MGST1: variants seen among roughly 807,000 people sequenced by gnomAD.
MGST1 encodes the protein microsomal glutathione S-transferase 1, also known as glutathione S-transferase 12.
Under a neutral mutation model 8.9 loss-of-function variants are expected in MGST1, and 5 were observed. The ratio of observed to expected loss-of-function variants is 0.56; its 90% CI spans 0.29 to 1.19. MGST1 has a LOEUF of 1.19. Ranked by LOEUF, MGST1 falls within the 50% of genes most tolerant of loss-of-function variation. MGST1 has a pLI of 0.08. For synonymous variants in MGST1, 54 were observed against 67.8 expected (o/e 0.80, Z 1.00); for missense variants, 182 against 187.4 (o/e 0.97, Z 0.17).
intron 1 of MGST1, among the ~76,000 whole-genome samples, chr12:16,436,736 G>A (rs1940991010): frequency 6.6e-6 from 1 of 151,928 alleles, no homozygotes; most frequent in Admixed American, 6.6e-5. Context: ...TGCCAATAGT[G>A]TACAGAAGGA....
intron 4 of MGST1, among the ~76,000 whole-genome samples, chr12:16,488,553 G>A (rs1050115797): frequency 6.6e-6 from 1 of 151,932 alleles, no homozygotes; most frequent in Non-Finnish European, 1.5e-5. Context: ...AGTCTTTCTT[G>A]TTTACTTTCC....
At chr12:16,380,740 G>A (rs1940445174), downstream of MGST1, among the ~76,000 whole-genome samples, 2 of 152,292 alleles carry the variant, frequency 1.3e-5, no homozygotes, top group African/African-American at 4.8e-5. Context: ...GTTGACAGTA[G>A]GGTGTTAAAG....
At chr12:16,566,172 A>T (rs60591828) in intron 4 of MGST1, among the ~76,000 whole-genome samples, 3 of 151,070 alleles carry the variant, frequency 2.0e-5, no homozygotes, top group African/African-American at 7.3e-5. Context: ...GATCTCAGTC[A>T]TTTGGAAGCT....
intron 4 of MGST1, among the ~76,000 whole-genome samples, chr12:16,534,637 G>A (rs536757341): frequency 9.9e-5 from 15 of 152,132 alleles, no homozygotes; most frequent in African/African-American, 2.4e-4. Flanking sequence ...TTTTAATCCC[G>A]GAAATAGACT....
At chr12:16,381,314 A>G (rs1055759685), downstream of MGST1, among the ~76,000 whole-genome samples, 1 of 152,048 alleles carries the variant, frequency 6.6e-6, no homozygotes, top group African/African-American at 2.4e-5. Context: ...TTCCTTCAGG[A>G]GCTCTTTCAG....
At chr12:16,351,435 A>C (rs946260533) in intron 1 of MGST1, among the ~76,000 whole-genome samples, 1 of 152,194 alleles carries the variant, frequency 6.6e-6, no homozygotes, top group Non-Finnish European at 1.5e-5. Flanking sequence ...TTAATTTGCT[A>C]TCTAGGGGAT....
downstream of MGST1, among the ~76,000 whole-genome samples, chr12:16,368,525 G>T (rs539977273): frequency 6.6e-6 from 1 of 152,098 alleles, no homozygotes; most frequent in Non-Finnish European, 1.5e-5. Flanking sequence ...CAGCCAAAGC[G>T]GCACCTCTAC....
At chr12:16,441,459 G>T (rs1373301752), downstream of MGST1, among the ~76,000 whole-genome samples, 1 of 151,674 alleles carries the variant, frequency 6.6e-6, no homozygotes, top group Non-Finnish European at 1.5e-5. Flanking sequence ...GAATAGTTTT[G>T]CCATTTAAAA....
intron 1 of MGST1, among the ~76,000 whole-genome samples, chr12:16,427,373 A>G (rs1940899727): frequency 6.6e-6 from 1 of 152,214 alleles, no homozygotes; most frequent in Non-Finnish European, 1.5e-5. Context: ...TAGGCATTTA[A>G]ATAATAATCA....
intron 1 of MGST1, among the ~76,000 whole-genome samples, chr12:16,404,982 T>G (rs1488851503): frequency 6.6e-6 from 1 of 152,144 alleles, no homozygotes; most frequent in African/African-American, 2.4e-5. Flanking sequence ...TTGTAACTAA[T>G]GAGAACAAAG....
chr12:16,549,000 C>G lies in MGST1; in HGVS notation n.483-40528C>G, dbSNP rs1445685938. On this transcript the variant is annotated intron_variant and non_coding_transcript_variant, in intron 4 of 4. Coordinates refer to the MGST1 transcript ENST00000538857. The surrounding 1 kb of genome is among the most constrained non-coding windows in gnomAD (Gnocchi z 4.2). The stretch of plus-strand genomic sequence containing the variant: ...TTCAAGAAGCTGAGAGAAGTTTGTT[C>G]CCAATTTACAAGTATTTTGACATAT... 1.3e-5 allele frequency: 2 copies of G among 152,042 alleles called. No individual in the cohort carries two copies. The highest frequency in any genetic ancestry group is 2.9e-5 in the Non-Finnish European group (2 of 67,994). 9.4% of individuals were successfully genotyped at this position (152,042 alleles called of 1,614,324 possible).
At chr12:16,538,301 C>A (rs1359845643) in intron 4 of MGST1, among the ~76,000 whole-genome samples, 1 of 152,110 alleles carries the variant, frequency 6.6e-6, no homozygotes, top group Non-Finnish European at 1.5e-5. Context: ...AAATCACTAT[C>A]ATCATTTTTG....
At chr12:16,422,596 A>G (rs1263382462) in intron 1 of MGST1, among the ~76,000 whole-genome samples, 1 of 151,972 alleles carries the variant, frequency 6.6e-6, no homozygotes, top group African/African-American at 2.4e-5. Context: ...CTGCCTCTGG[A>G]TTGCTTCTGT....
chr12:16,363,971 GT>G lies in MGST1; in HGVS notation c.405del (p.Phe135LeufsTer15), dbSNP rs778971425. ...TPLPQPNRALSFFVGYGVTLS... is the reference protein window; with the variant it reads ...TPLPQPNRALXFFVGYGVTLS... ...CTTCCCCAGCCAAATAGAGCTTTGA[GT>G]TTTTTTGTTGGATATGGAGTTACTC... On this transcript the variant is annotated frameshift_variant, in exon 4 of 4. Coordinates refer to ENST00000396210, the MANE Select transcript of MGST1 (RefSeq NM_020300.5). LOFTEE classifies it high-confidence loss of function. The surrounding 1 kb of genome is among the most constrained non-coding windows in gnomAD (Gnocchi z 4.6). 1.2e-6 allele frequency: 2 copies of G among 1,613,876 alleles called. No individual in the cohort carries two copies.
At chr12:16,350,929 C>T (rs893137313) in intron 1 of MGST1, 18 of 152,096 alleles carry the variant, frequency 1.2e-4, no homozygotes, top group African/African-American at 4.1e-4. Context: ...AAGAAAAGGC[C>T]TCCCATTGCC....
downstream of MGST1, among the ~76,000 whole-genome samples, chr12:16,441,412 G>A (rs1941037561): frequency 6.6e-6 from 1 of 151,870 alleles, no homozygotes. Flanking sequence ...TTTGATAAAT[G>A]TGTTATGATA....
At chr12:16,460,876 T>G (rs865959946) in intron 4 of MGST1, among the ~76,000 whole-genome samples, 1 of 152,134 alleles carries the variant, frequency 6.6e-6, no homozygotes, top group Non-Finnish European at 1.5e-5. Flanking sequence ...TTAGGCTTTA[T>G]AGCAGGCTGT....
intron 1 of MGST1, among the ~76,000 whole-genome samples, chr12:16,406,910 T>C (rs1179444434): frequency 6.6e-6 from 1 of 152,168 alleles, no homozygotes; most frequent in South Asian, 2.1e-4. Context: ...CGACTCAAGA[T>C]GGATTAAAGA....
intron 1 of MGST1, chr12:16,400,520 C>T (rs930841599): frequency 4.8e-6 from 4 of 837,944 alleles, no homozygotes; most frequent in Non-Finnish European, 8.4e-6. Flanking sequence ...TTCTCTTCAG[C>T]TTCTCAAGTT....
Sources: gnomAD v4.1 joint callset for allele counts (sites outside exome capture counted in the v4.1 genomes callset) on GRCh38, gnomAD v4.1.1 for gene constraint, Gnocchi (gnomAD v3.1) non-coding constraint, MANE v1.5 for transcripts, NCBI Gene and HGNC (gene_info 2026-07-23, HGNC 2026-07-21) for gene names.